Variants in KCNN3 observed in about 807,000 individuals in gnomAD.
KCNN3 encodes the protein small conductance calcium-activated potassium channel protein 3.
KCNN3 carries 16 observed loss-of-function variants against 62.9 expected under a neutral mutation model. That is an observed-to-expected ratio of 0.25 (90% CI 0.17 to 0.39). The LOEUF (loss-of-function observed/expected upper bound fraction) is 0.39, where lower values mean the gene tolerates loss of function less well. Ranked by LOEUF, KCNN3 falls within the 10% of genes least tolerant of loss-of-function variation. The probability of loss-of-function intolerance (pLI) is 1.00; values close to 1 mark genes in which losing one functional copy is unlikely to be tolerated. For synonymous variants in KCNN3, 370 were observed against 389.2 expected, an observed-to-expected ratio of 0.95 and a Z score of 0.58; for missense variants, 599 against 949.4, an observed-to-expected ratio of 0.63 and a Z score of 4.85.
intron 2 of KCNN3, among the ~76,000 whole-genome samples, chr1:154,781,981 A>T (rs897529595): frequency 2.6e-5 from 4 of 152,202 alleles, no homozygotes; most frequent in African/African-American, 4.8e-5. Context: ...CTCTCTATGG[A>T]AGGGACCTCT....
intron 3 of KCNN3, among the ~76,000 whole-genome samples, chr1:154,738,583 A>G (rs1035795136): frequency 1.1e-4 from 17 of 152,314 alleles, no homozygotes; most frequent in African/African-American, 3.8e-4. Flanking sequence ...TGCTACAGGG[A>G]GGCCCTCATA....
At chr1:154,855,591 G>A (rs532952319) in intron 1 of KCNN3, among the ~76,000 whole-genome samples, 4 of 152,290 alleles carry the variant, frequency 2.6e-5, no homozygotes, top group East Asian at 3.9e-4. Context: ...ATACAGCCTC[G>A]TGTGCAGAAG....
intron 6 of KCNN3, among the ~76,000 whole-genome samples, chr1:154,714,175 GGTGTGTGGTGT>G (rs1259122675): frequency 6.1e-3 from 330 of 53,780 alleles, no homozygotes; most frequent in African/African-American, 0.02. Flanking sequence ...TGTGATGTGT[GGTGTGTGGTGT>G]GTGTGTGGTG....
intron 2 of KCNN3, among the ~76,000 whole-genome samples, chr1:154,794,912 G>A (rs1649664439): frequency 6.6e-6 from 1 of 152,162 alleles, no homozygotes; most frequent in South Asian, 2.1e-4. Context: ...CGTTTTCACT[G>A]ACTTCCTAGA....
At chr1:154,850,523 G>A (rs1571337735) in intron 1 of KCNN3, among the ~76,000 whole-genome samples, 1 of 152,202 alleles carries the variant, frequency 6.6e-6, no homozygotes, top group East Asian at 1.9e-4. Context: ...AAGAACAGGT[G>A]CAGTGGCTTC....
intron 2 of KCNN3, among the ~76,000 whole-genome samples, chr1:154,792,894 CAG>C (rs756722678): frequency 6.6e-6 from 1 of 152,094 alleles, no homozygotes; most frequent in African/African-American, 2.4e-5. Flanking sequence ...GTTGGCAAAA[CAG>C]AAAGTTTCTC....
intron 1 of KCNN3, among the ~76,000 whole-genome samples, chr1:154,822,591 T>G (rs1394388209): frequency 6.6e-6 from 1 of 152,248 alleles, no homozygotes; most frequent in Admixed American, 6.5e-5. Flanking sequence ...GCATCAATAT[T>G]ACGCCAGCTT....
rs541915871 is a variant in KCNN3 at position 154,818,789 on chromosome 1, A to G, written c.1029+3300T>C. ...ACCCAGCTTGGGTGAGAGTTACCCA[A>G]CAGTGTTTTAGAATTCTTCTTCCTG... On this transcript the variant is annotated intron_variant, in intron 2 of 7. Coordinates refer to ENST00000271915, the MANE Select transcript of KCNN3 (RefSeq NM_002249.6). Among the ~76,000 whole-genome samples the G allele has an allele frequency of 3.3e-5, 5 of 152,310 alleles. No homozygotes were observed. In the South Asian group the frequency reaches 8.3e-4, roughly 25 times the overall value.
chr1:154,778,351 A>G (rs1396395470), intron 2 of KCNN3, among the ~76,000 whole-genome samples: 4 of 152,218 alleles, frequency 2.6e-5, no homozygotes, highest in Non-Finnish European at 2.9e-5. Context: ...TGAATCAAAC[A>G]CATGTCCCAT....
intron 3 of KCNN3, among the ~76,000 whole-genome samples, chr1:154,737,999 CAGAA>C (rs1402456075): frequency 1.3e-5 from 2 of 151,864 alleles, no homozygotes; most frequent in African/African-American, 4.8e-5. Flanking sequence ...GTAGAAGTTA[CAGAA>C]AGAAACAACT....
At chr1:154,847,836 C>T (rs1652139707) in intron 1 of KCNN3, among the ~76,000 whole-genome samples, 1 of 152,218 alleles carries the variant, frequency 6.6e-6, no homozygotes, top group South Asian at 2.1e-4. Context: ...CCCTTACAGC[C>T]ACCCGTGGGC....
chr1:154,857,224 G>A (rs1001680927), intron 1 of KCNN3, among the ~76,000 whole-genome samples: 35 of 152,338 alleles, frequency 2.3e-4, no homozygotes, highest in African/African-American at 7.9e-4. Context: ...CCTGGAGACT[G>A]AGGCTCAAAG....
At position 154,711,648 on chromosome 1, in the gene KCNN3, G is replaced by A. The variant is rs1700077415; in HGVS notation, c.1899+1816C>T. ...TGGGGCAGTTTGTTGGGCTATTCCT[G>A]AAGCTCACAGGTGGGCCCCTAGCCC... is the stretch of plus-strand genomic sequence containing the variant. On this transcript the variant is annotated intron_variant, in intron 7 of 7. Transcript: ENST00000271915. Among the ~76,000 whole-genome samples the A allele has an allele frequency of 2.6e-5, 4 of 152,248 alleles. No individual in the cohort carries two copies. The South Asian group carries it at 8.3e-4, about 32-fold the overall frequency.
chr1:154,708,719 G>A (rs1191453952), intron 7 of KCNN3, among the ~76,000 whole-genome samples: 1 of 151,988 alleles, frequency 6.6e-6, no homozygotes, highest in Non-Finnish European at 1.5e-5. Context: ...CTCACTAACA[G>A]TGTGCCCTCT....
rs1469177913 is a variant in KCNN3 at position 154,708,084 on chromosome 1, C to T, written c.2088G>A (p.Arg696=). 1 of 1,613,912 alleles carries T rather than the reference C, an allele frequency of 6.2e-7. No homozygotes were observed. Among genetic ancestry groups the T allele is most frequent in the Non-Finnish European group, 8.5e-7 (1 of 1,179,924 alleles). The change falls in exon 8 of 8, where the codon CGG becomes CGA. Residue 696 remains arginine, a synonymous_variant. Transcript: ENST00000271915. Reference sequence around the variant, plus strand: ...TGGTGCCCACTGCCACGCTGACACCCCGGGCCTCGATGATGGCAGACAGGA... The same window carrying T: ...TGGTGCCCACTGCCACGCTGACACCTCGGGCCTCGATGATGGCAGACAGGA... ...QQLLSAIIEA[R]GVSVAVGTTH...
chr1:154,803,388 G>C (rs939318886), intron 2 of KCNN3, among the ~76,000 whole-genome samples: 7 of 152,244 alleles, frequency 4.6e-5, no homozygotes, highest in African/African-American at 1.7e-4. Context: ...GTGACACTCT[G>C]AGCTATAGGT....
intron 3 of KCNN3, among the ~76,000 whole-genome samples, chr1:154,741,503 C>T (rs1700821362): frequency 6.6e-6 from 1 of 152,184 alleles, no homozygotes; most frequent in Non-Finnish European, 1.5e-5. Context: ...TTCAGCTGTT[C>T]TCTTCAGCAG....
intron 2 of KCNN3, among the ~76,000 whole-genome samples, chr1:154,801,486 C>T (rs936786132): frequency 5.9e-5 from 9 of 152,160 alleles, no homozygotes; most frequent in Admixed American, 6.5e-5. Flanking sequence ...CAAGAGCCTA[C>T]GCCAAAAGGA....
chr1:154,788,852 G>T (rs1358553103), intron 2 of KCNN3, among the ~76,000 whole-genome samples: 1 of 152,232 alleles, frequency 6.6e-6, no homozygotes. Flanking sequence ...CCCTTTTGTG[G>T]TGGGCCTTAT....
Sources: allele counts gnomAD v4.1 joint callset (sites outside exome capture counted in the v4.1 genomes callset), GRCh38; gene constraint gnomAD v4.1.1; transcripts MANE v1.5; gene names NCBI Gene and HGNC (gene_info 2026-07-23, HGNC 2026-07-21).